The following CPLANE1 variants were observed in gnomAD, a reference collection of about 807,000 sequenced individuals.
The protein encoded by CPLANE1 is ciliogenesis and planar polarity effector 1.
In CPLANE1, 263 loss-of-function variants were observed where a neutral mutation model predicts 362.5. The observed-to-expected ratio is 0.73, with a 90% CI of 0.66 to 0.80. The LOEUF is 0.80. Ranked by LOEUF, CPLANE1 falls within the 30% of genes least tolerant of loss-of-function variation. The pLI, the probability that CPLANE1 is intolerant of heterozygous loss-of-function variation, is 0.00. For synonymous variants in CPLANE1, 1,212 were observed against 1,302.6 expected (o/e 0.93, Z 1.50); for missense variants, 3,461 against 3,793.4 (o/e 0.91, Z 2.30).
chr5:37,245,082 G>A (rs1353190612), intron 4 of CPLANE1, among the ~76,000 whole-genome samples: 2 of 151,514 alleles, frequency 1.3e-5, no homozygotes, highest in Non-Finnish European at 2.9e-5. Context: ...GACCCCGGAG[G>A]CGAGTGAGCT....
At chr5:37,213,458 A>G (rs982258333) in intron 16 of CPLANE1, 101 bp downstream of exon 16, 3 of 713,498 alleles carry the variant, frequency 4.2e-6, no homozygotes, top group Non-Finnish European at 6.3e-6. Context: ...ATACTATGCT[A>G]GAACAGTATC....
intron 35 of CPLANE1, 77 bp from the exon 36 acceptor site, chr5:37,165,748 G>T: frequency 7.6e-7 from 1 of 1,313,756 alleles, no homozygotes; most frequent in Non-Finnish European, 1.0e-6. Context: ...GCTATATAGG[G>T]ATACAGTTGA....
At chr5:37,211,926 G>A (rs1013413620) in intron 16 of CPLANE1, 21 of 798,498 alleles carry the variant, frequency 2.6e-5, no homozygotes, top group African/African-American at 1.7e-4. Flanking sequence ...TCATATGGGC[G>A]CAGCTGTAGC....
chr5:37,100,496 G>GT, the CPLANE1 span, among the ~76,000 whole-genome samples: 15 of 152,276 alleles, frequency 9.9e-5, no homozygotes, highest in Admixed American at 6.5e-4. Context: ...GTACCATGCT[G>GT]TTTTGGTTAC....
chr5:37,224,406 T>C, intron 13 of CPLANE1, 73 bp from the exon 14 acceptor site: 1 of 1,329,482 alleles, frequency 7.5e-7, no homozygotes, highest in Non-Finnish European at 1.0e-6. Flanking sequence ...TGTTTTAAAA[T>C]CCAGTTAATG....
intron 20 of CPLANE1, 26 bp downstream of exon 20, chr5:37,198,676 T>C (rs1361945012): frequency 6.3e-7 from 1 of 1,597,582 alleles, no homozygotes; most frequent in Admixed American, 1.7e-5. Context: ...TAACACAGCA[T>C]GTAAATGACT....
At chr5:37,215,827 TC>T (rs1467238898) in intron 15 of CPLANE1, among the ~76,000 whole-genome samples, 122 of 150,292 alleles carry the variant, frequency 8.1e-4, no homozygotes, top group African/African-American at 3.0e-3. Flanking sequence ...AAGATTTTTT[TC>T]TTTTTTTCTT....
At chr5:37,141,985 T>C in intron 44 of CPLANE1, 2 of 643,082 alleles carry the variant, frequency 3.1e-6, no homozygotes, top group Non-Finnish European at 3.9e-6. Flanking sequence ...GTTTTCAAAT[T>C]AAAATTCAAA....
the CPLANE1 span, among the ~76,000 whole-genome samples, chr5:37,087,321 A>C: frequency 6.6e-6 from 1 of 152,178 alleles, no homozygotes; most frequent in Non-Finnish European, 1.5e-5. Context: ...AAGGGGAAGG[A>C]GGAGGAAATG....
intron 16 of CPLANE1, 48 bp from the exon 17 acceptor site, chr5:37,206,473 C>T (rs948865449): frequency 3.3e-6 from 4 of 1,221,514 alleles, no homozygotes; most frequent in Non-Finnish European, 4.7e-6. Flanking sequence ...CATCCAAACT[C>T]ATGCTTCTTT....
intron 38 of CPLANE1, among the ~76,000 whole-genome samples, chr5:37,158,881 C>T (rs1000190349): frequency 3.3e-5 from 5 of 151,366 alleles, no homozygotes; most frequent in Admixed American, 6.6e-5. Context: ...CTCCACCTCC[C>T]GGGTTCATTC....
intron 21 of CPLANE1, among the ~76,000 whole-genome samples, chr5:37,194,232 C>T (rs1786549026): frequency 6.6e-6 from 1 of 151,948 alleles, no homozygotes; most frequent in Non-Finnish European, 1.5e-5. Flanking sequence ...AGAAAGGAAA[C>T]TTTTTAATCT....
chr5:37,224,691 C>T lies in CPLANE1; in HGVS notation c.2341G>A (p.Ala781Thr), dbSNP rs1796060509. The change falls in exon 13 of 53, where the codon GCA becomes ACA. Residue 781 changes from alanine (A) to threonine (T), a missense_variant. Ala to Thr is a moderately conservative substitution (Grantham distance 58, BLOSUM62 0). Coordinates refer to ENST00000651892, the MANE Select transcript of CPLANE1 (RefSeq NM_001384732.1). ...TCAGGAACTCTTCGATTTAATTGTG[C>T]TTGATACCATAAAGTTTTTTTGTAC... is the stretch of plus-strand genomic sequence containing the variant. ...ILYKKTLWYQ[A>T]QLNRRVPEAD... The T allele has an allele frequency of 1.3e-6, 2 of 1,551,490 alleles. No individual in the cohort carries two copies. Among genetic ancestry groups the T allele is most frequent in the East Asian group, 4.9e-5 (2 of 40,818 alleles).
intron 2 of CPLANE1, 138 bp downstream of exon 2, chr5:37,247,480 G>C (rs1404548495): frequency 1.6e-6 from 1 of 640,542 alleles, no homozygotes; most frequent in Non-Finnish European, 2.5e-6. Flanking sequence ...CAGTGTGCAG[G>C]TAGGTGATCC....
At chr5:37,123,900 G>GA (rs1763393147) in intron 47 of CPLANE1, among the ~76,000 whole-genome samples, 1 of 150,094 alleles carries the variant, frequency 6.7e-6, no homozygotes, top group Non-Finnish European at 1.5e-5. Context: ...GGTAATGTCA[G>GA]AACCCATTCT....
In CPLANE1 at chr5:37,243,737, ATATAT is replaced by A. The variant is rs1295153800; in HGVS notation, c.571-623_571-619del. On this transcript the variant is annotated intron_variant, in intron 5 of 52. Coordinates refer to ENST00000651892, the MANE Select transcript of CPLANE1 (RefSeq NM_001384732.1). ...ATATAATATACATGTATTATATATA[ATATAT>A]AATATGCATATAATATATATAATAT... Among the ~76,000 whole-genome samples the A allele has an allele frequency of 3.4e-5, 5 of 146,612 alleles. No homozygotes were observed. The East Asian group carries it at 7.9e-4, about 23-fold the overall frequency.
rs940007992 is a variant in CPLANE1, at chr5:37,184,719, C to T, written c.4481+69G>A. 5 of 1,381,232 alleles carry T rather than the reference C, an allele frequency of 3.6e-6. No individual in the cohort carries two copies. The African/African-American group carries it at 7.2e-5, about 20-fold the overall frequency. The allele number at this position is 1,381,232 out of a possible 1,614,324, so 85.6% of individuals were successfully genotyped here. A position where few individuals can be genotyped will look rare whatever the true frequency, so the allele number is the denominator to read the frequency against. ...GAGGGTTGCTGGGACCAGAAATCAG[C>T]TCATCAGATGCCTGAAAGCTACTTT... On this transcript the variant is annotated intron_variant, in intron 25 of 52. Coordinates refer to ENST00000651892, the MANE Select transcript of CPLANE1 (RefSeq NM_001384732.1).
chr5:37,088,125 C>A, the CPLANE1 span, among the ~76,000 whole-genome samples: 3 of 152,184 alleles, frequency 2.0e-5, no homozygotes, highest in Non-Finnish European at 4.4e-5. Context: ...AAGTGGAGTT[C>A]AACAGGGATC....
At chr5:37,208,956 A>T (rs1013145336) in intron 16 of CPLANE1, among the ~76,000 whole-genome samples, 2 of 151,902 alleles carry the variant, frequency 1.3e-5, no homozygotes, top group Non-Finnish European at 2.9e-5. Flanking sequence ...AAAGAAAAGA[A>T]AAAAAGAAAA....
Sources: gnomAD v4.1 joint callset for allele counts (sites outside exome capture counted in the v4.1 genomes callset) on GRCh38, gnomAD v4.1.1 for gene constraint, MANE v1.5 for transcripts, NCBI Gene and HGNC (gene_info 2026-07-23, HGNC 2026-07-21) for gene names.